The following FCHO2 variants were observed in gnomAD, a reference collection of about 807,000 sequenced individuals.
FCHO2 encodes FCH and mu domain containing endocytic adaptor 2, also known as F-BAR domain only protein 2.
In FCHO2, 43 loss-of-function variants were observed where a neutral mutation model predicts 114.1. The observed-to-expected ratio is 0.38, with a 90% CI of 0.30 to 0.49. The LOEUF (loss-of-function observed/expected upper bound fraction) is 0.49. Ranked by LOEUF, FCHO2 falls within the 20% of genes least tolerant of loss-of-function variation. The pLI, the probability that FCHO2 is intolerant of heterozygous loss-of-function variation, is 0.97. For missense variants in FCHO2, 807 were observed against 950.4 expected, an observed-to-expected ratio of 0.85 and a Z score of 1.98; for synonymous variants, 293 against 315.2, an observed-to-expected ratio of 0.93 and a Z score of 0.75.
chr5:73,022,767 C>A (rs2112763083), intron 8 of FCHO2, among the ~76,000 whole-genome samples: 1 of 152,290 alleles, frequency 6.6e-6, no homozygotes, highest in South Asian at 2.1e-4. Flanking sequence ...ACCTGGAAGG[C>A]TGGAATAGAT....
intron 8 of FCHO2, among the ~76,000 whole-genome samples, chr5:73,030,879 C>T (rs888791877): frequency 6.6e-6 from 1 of 152,090 alleles, no homozygotes; most frequent in African/African-American, 2.4e-5. Context: ...AACACATACT[C>T]CTGAAGTGAA....
intron 20 of FCHO2, among the ~76,000 whole-genome samples, chr5:73,076,449 G>T (rs1053472797): frequency 2.3e-4 from 35 of 152,164 alleles, no homozygotes; most frequent in African/African-American, 8.0e-4. Context: ...TTTTTTAAAA[G>T]ATGATATATA....
At chr5:73,058,008 T>C (rs1163069722) in intron 16 of FCHO2, among the ~76,000 whole-genome samples, 1 of 151,940 alleles carries the variant, frequency 6.6e-6, no homozygotes, top group Admixed American at 6.6e-5. Flanking sequence ...ACTTTTAAAT[T>C]AAAAAAAATT....
At chr5:73,050,279 C>G (rs1357052030) in intron 11 of FCHO2, among the ~76,000 whole-genome samples, 1 of 150,972 alleles carries the variant, frequency 6.6e-6, no homozygotes, top group Non-Finnish European at 1.5e-5. Context: ...CCCTCCCTCT[C>G]TGTTTAGCTT....
At chr5:72,963,395 C>G (rs1178651902) in intron 1 of FCHO2, among the ~76,000 whole-genome samples, 1 of 152,194 alleles carries the variant, frequency 6.6e-6, no homozygotes, top group African/African-American at 2.4e-5. Flanking sequence ...GCCTCTCCCT[C>G]TACCCTTATA....
chr5:72,968,228 C>G (rs780598260), intron 1 of FCHO2, among the ~76,000 whole-genome samples: 4 of 152,100 alleles, frequency 2.6e-5, no homozygotes, highest in Non-Finnish European at 5.9e-5. Context: ...CCGGTCACAA[C>G]TTAATTTTAT....
chr5:73,052,681 A>G, intron 13 of FCHO2, 174 bp downstream of exon 13: 2 of 560,028 alleles, frequency 3.6e-6, no homozygotes, highest in East Asian at 6.4e-5. Context: ...TTGCTTTTGA[A>G]AGTAGAAAGT....
chr5:73,075,674 G>A (rs1190130990), intron 20 of FCHO2, among the ~76,000 whole-genome samples: 1 of 152,114 alleles, frequency 6.6e-6, no homozygotes, highest in East Asian at 1.9e-4. Context: ...AGTCAGAATT[G>A]ATGCAGAGAG....
intron 17 of FCHO2, 124 bp from the exon 18 acceptor site, chr5:73,063,716 TA>T (rs34146559): frequency 1.1e-5 from 9 of 785,130 alleles, no homozygotes; most frequent in East Asian, 2.7e-5. Flanking sequence ...TAATTACATC[TA>T]AAAAAAGAGC....
chr5:73,081,716 C>A, intron 22 of FCHO2, 67 bp from the exon 23 acceptor site: 1 of 1,182,984 alleles, frequency 8.5e-7, no homozygotes, highest in Non-Finnish European at 1.1e-6. Context: ...TTCAAGTGTC[C>A]ATGTCATTAA....
intron 19 of FCHO2, among the ~76,000 whole-genome samples, chr5:73,071,144 A>T (rs116279248): frequency 6.6e-6 from 1 of 152,036 alleles, no homozygotes; most frequent in Non-Finnish European, 1.5e-5. Context: ...CAAATCCCCA[A>T]CTTGCTGAAT....
At position 73,046,948 on chromosome 5, in the gene FCHO2, A is replaced by G. The variant is rs1757088446; in HGVS notation, c.940-4401A>G. Among the ~76,000 whole-genome samples, 4 of 152,290 alleles carry G rather than the reference A, an allele frequency of 2.6e-5. No individual in the cohort carries two copies. The South Asian group carries it at 8.3e-4, about 32-fold the overall frequency. On this transcript the variant is annotated intron_variant, in intron 11 of 25. Transcript: ENST00000430046. ...TGTGCCTGCCTTCACAGTTCTTCAT[A>G]TCTTTCTTGCTGAGCTTTAGAAAGT... is the stretch of plus-strand genomic sequence containing the variant.
intron 8 of FCHO2, among the ~76,000 whole-genome samples, chr5:73,031,869 A>T (rs1304839469): frequency 6.6e-6 from 1 of 152,220 alleles, no homozygotes; most frequent in Non-Finnish European, 1.5e-5. Flanking sequence ...TTTAAGTGCT[A>T]AGAGCAGTTA....
chr5:73,006,502 G>A lies in FCHO2; in HGVS notation c.553G>A (p.Ala185Thr), dbSNP rs1156834475. The change falls in exon 6 of 26, where the codon GCA becomes ACA. Residue 185 changes from alanine (A) to threonine (T), a missense_variant. Coordinates refer to ENST00000430046, the MANE Select transcript of FCHO2 (RefSeq NM_138782.3). ...DTYKLYVEKYALAKADFEQKM... is the reference protein window; with the variant it reads ...DTYKLYVEKYTLAKADFEQKM... ...CTATAAACTCTATGTGGAAAAATAT[G>A]CATTAGCAAAAGCTGATTTCGAACA... 8 of 1,578,634 alleles carry A rather than the reference G, an allele frequency of 5.1e-6. No homozygotes were observed. Among genetic ancestry groups the A allele is most frequent in the Non-Finnish European group, 6.0e-6 (7 of 1,165,960 alleles).
intron 5 of FCHO2, among the ~76,000 whole-genome samples, chr5:73,005,923 T>G (rs1487219093): frequency 6.6e-6 from 1 of 152,188 alleles, no homozygotes; most frequent in Non-Finnish European, 1.5e-5. Flanking sequence ...TAATGGAAGC[T>G]GAGAAACATC....
intron 5 of FCHO2, chr5:72,997,519 AT>A: frequency 1.4e-6 from 2 of 1,411,368 alleles, no homozygotes; most frequent in East Asian, 4.6e-5. Flanking sequence ...TCACCATCAA[AT>A]CCTGGTTCAG....
chr5:73,032,364 G>A (rs148961003), intron 8 of FCHO2, among the ~76,000 whole-genome samples: 149 of 151,992 alleles, frequency 9.8e-4, no homozygotes, highest in African/African-American at 3.5e-3. Context: ...AAGTGATTTG[G>A]CATCTTTCAA....
intron 5 of FCHO2, among the ~76,000 whole-genome samples, chr5:72,999,401 A>G (rs1198652770): frequency 7.5e-5 from 6 of 79,968 alleles, no homozygotes; most frequent in Non-Finnish European, 1.5e-4. Context: ...TTTTTTTTTT[A>G]AGATGGAGTC....
intron 2 of FCHO2, among the ~76,000 whole-genome samples, chr5:72,982,508 A>G (rs1753265776): frequency 6.6e-6 from 1 of 152,206 alleles, no homozygotes; most frequent in Non-Finnish European, 1.5e-5. Context: ...GAACAAAAGT[A>G]TTTAATTTTA....
Sources: allele counts gnomAD v4.1 joint callset (sites outside exome capture counted in the v4.1 genomes callset), GRCh38; gene constraint gnomAD v4.1.1; transcripts MANE v1.5; gene names NCBI Gene and HGNC (gene_info 2026-07-23, HGNC 2026-07-21).